The following RARB variants were observed in gnomAD, a reference collection of about 807,000 sequenced individuals.
The protein encoded by RARB is HBV-activated protein.
A neutral mutation model predicts 51.9 loss-of-function variants in RARB; 17 were observed. The ratio of observed to expected loss-of-function variants is 0.33; its 90% confidence interval spans 0.22 to 0.49. The LOEUF (loss-of-function observed/expected upper bound fraction) is 0.49. Ranked by LOEUF, RARB falls within the 20% of genes least tolerant of loss-of-function variation. The pLI is 0.99. For missense variants in RARB, 369 were observed against 550.8 expected (o/e 0.67, Z 3.30); for synonymous variants, 215 against 195.4 (o/e 1.10, Z -0.84).
At chr3:25,406,223 A>G (rs1707404292) in intron 5 of RARB, among the ~76,000 whole-genome samples, 3 of 152,118 alleles carry the variant, frequency 2.0e-5, no homozygotes, top group African/African-American at 7.2e-5. Context: ...AACTTTATTT[A>G]GAGGTTCCAG....
At chr3:25,111,495 A>G (rs1266875190) in intron 3 of RARB, among the ~76,000 whole-genome samples, 1 of 152,084 alleles carries the variant, frequency 6.6e-6, no homozygotes, top group Admixed American at 6.6e-5. Flanking sequence ...GCCCCTTCAC[A>G]AGAGATGGTC....
rs117031321 is a variant in RARB at position 25,226,772 on chromosome 3, A to G, written c.178+52197A>G. Among the ~76,000 whole-genome samples the G allele has an allele frequency of 9.3e-3, 1,413 of 152,272 alleles. 22 individuals carry two copies. Among genetic ancestry groups the G allele is most frequent in the East Asian group, 0.037 (191 of 5,180 alleles). On this transcript the variant is annotated intron_variant, in intron 5 of 11. Transcript: ENST00000383772. ...CAGGCTGCTCTGTGAATCAAACACA[A>G]GGAGACACATTAGAAATAGATCAAG...
chr3:25,204,936 C>G (rs900824875), intron 5 of RARB, among the ~76,000 whole-genome samples: 1 of 152,226 alleles, frequency 6.6e-6, no homozygotes, highest in African/African-American at 2.4e-5. Context: ...GGGAGAACCA[C>G]TACTCTCTTC....
chr3:25,127,349 C>T (rs149713577), intron 3 of RARB, among the ~76,000 whole-genome samples: 155 of 152,252 alleles, frequency 1.0e-3, no homozygotes, highest in African/African-American at 3.4e-3. Context: ...CAGCAGGCCA[C>T]GCTCCTTCCT....
chr3:24,917,861 C>T (rs1421186317), intron 2 of RARB, among the ~76,000 whole-genome samples: 3 of 152,182 alleles, frequency 2.0e-5, no homozygotes, highest in Non-Finnish European at 4.4e-5. Flanking sequence ...CCACAGTCTA[C>T]TTCACACCCA....
intron 2 of RARB, among the ~76,000 whole-genome samples, chr3:25,044,822 C>G (rs1238067584): frequency 1.3e-5 from 2 of 152,192 alleles, no homozygotes; most frequent in Non-Finnish European, 2.9e-5. Flanking sequence ...AGCCAACTGA[C>G]TATAGAAGGC....
At chr3:25,238,286 A>T (rs1702351222) in intron 5 of RARB, among the ~76,000 whole-genome samples, 1 of 152,176 alleles carries the variant, frequency 6.6e-6, no homozygotes, top group Non-Finnish European at 1.5e-5. Flanking sequence ...TATTTCACTT[A>T]ACATAAGGAC....
chr3:25,129,854 A>G (rs1429033966), intron 3 of RARB, among the ~76,000 whole-genome samples: 1 of 152,092 alleles, frequency 6.6e-6, no homozygotes, highest in Non-Finnish European at 1.5e-5. Context: ...ATGGAGGAAG[A>G]AGGTGATTAG....
intron 4 of RARB, among the ~76,000 whole-genome samples, chr3:25,165,338 C>A (rs956458387): frequency 6.6e-6 from 1 of 152,016 alleles, no homozygotes; most frequent in African/African-American, 2.4e-5. Flanking sequence ...GTATACATTT[C>A]CATTTCTATG....
intron 1 of RARB, among the ~76,000 whole-genome samples, chr3:25,443,406 T>TC (rs1402127826): frequency 3.6e-5 from 5 of 138,038 alleles, no homozygotes; most frequent in South Asian, 4.5e-4. Flanking sequence ...CTCCCCCTTG[T>TC]CCCCCCCACC....
chr3:25,325,393 C>T (rs1704684926), intron 5 of RARB, among the ~76,000 whole-genome samples: 1 of 152,080 alleles, frequency 6.6e-6, no homozygotes, highest in Non-Finnish European at 1.5e-5. Flanking sequence ...TGTCCTGTAC[C>T]TTCTGCTGAG....
At chr3:24,860,905 A>G (rs989643779) in intron 2 of RARB, among the ~76,000 whole-genome samples, 1 of 152,094 alleles carries the variant, frequency 6.6e-6, no homozygotes, top group Admixed American at 6.5e-5. Context: ...TAAACTTGCT[A>G]CTCAGGTTTG....
intron 5 of RARB, among the ~76,000 whole-genome samples, chr3:25,582,081 A>G (rs1005532215): frequency 2.0e-5 from 3 of 152,170 alleles, no homozygotes; most frequent in African/African-American, 7.2e-5. Context: ...TGAAGCATAA[A>G]CAGGAGCCCT....
intron 5 of RARB, among the ~76,000 whole-genome samples, chr3:25,261,420 T>G (rs1449701114): frequency 6.6e-6 from 1 of 152,152 alleles, no homozygotes; most frequent in Non-Finnish European, 1.5e-5. Flanking sequence ...TTTTCTGTAG[T>G]ACCTGTAACA....
chr3:25,139,579 T>A (rs957556160), intron 4 of RARB, among the ~76,000 whole-genome samples: 2 of 152,118 alleles, frequency 1.3e-5, no homozygotes, highest in East Asian at 1.9e-4. Flanking sequence ...TTTCTGAGAT[T>A]TAAGCAAAGC....
intron 5 of RARB, among the ~76,000 whole-genome samples, chr3:25,211,568 A>G (rs943330822): frequency 2.6e-5 from 4 of 152,230 alleles, no homozygotes; most frequent in Admixed American, 6.5e-5. Flanking sequence ...GCATCAAGGG[A>G]TGGAGCAGCT....
intron 2 of RARB, among the ~76,000 whole-genome samples, chr3:24,885,858 T>C (rs1703257074): frequency 6.6e-6 from 1 of 152,232 alleles, no homozygotes; most frequent in South Asian, 2.1e-4. Flanking sequence ...TTGTATCATA[T>C]GTGCCTTTAA....
At chr3:25,566,228 C>T (rs1700489004) in intron 3 of RARB, among the ~76,000 whole-genome samples, 1 of 152,162 alleles carries the variant, frequency 6.6e-6, no homozygotes, top group Non-Finnish European at 1.5e-5. Flanking sequence ...GCTGAAGCCA[C>T]GTGTTTAGAA....
At chr3:25,100,001 T>C (rs952044052) in intron 3 of RARB, among the ~76,000 whole-genome samples, 2 of 152,222 alleles carry the variant, frequency 1.3e-5, no homozygotes, top group Admixed American at 1.3e-4. Flanking sequence ...TGGCCCGTTT[T>C]CTACTAAACA....
Sources: gnomAD v4.1 joint callset for allele counts (sites outside exome capture counted in the v4.1 genomes callset) on GRCh38, gnomAD v4.1.1 for gene constraint, MANE v1.5 for transcripts, NCBI Gene and HGNC (gene_info 2026-07-23, HGNC 2026-07-21) for gene names.